The following COL4A4 variants were observed in gnomAD, a reference collection of about 807,000 sequenced individuals.
COL4A4 encodes the protein collagen type IV alpha 4 chain.
A neutral mutation model predicts 192.9 loss-of-function variants in COL4A4; 105 were observed. The observed-to-expected ratio is 0.54, with a 90% CI of 0.46 to 0.64. COL4A4 has a LOEUF of 0.64. COL4A4 is among the 30% of genes least tolerant of loss of function. The probability of loss-of-function intolerance (pLI) is 0.00; values close to 1 mark genes in which losing one functional copy is unlikely to be tolerated. For synonymous variants in COL4A4, 762 were observed against 769.9 expected, an observed-to-expected ratio of 0.99 and a Z score of 0.17; for missense variants, 1,967 against 2,169.3, an observed-to-expected ratio of 0.91 and a Z score of 1.85.
chr2:227,025,771 G>A, intron 43 of COL4A4, 31 bp downstream of exon 43: 1 of 1,603,766 alleles, frequency 6.2e-7, no homozygotes, highest in East Asian at 2.2e-5. Flanking sequence ...CCAGAGTGAG[G>A]GGAAATTACC....
At chr2:227,101,972 GC>G in intron 15 of COL4A4, 63 bp from the exon 16 acceptor site, 4 of 1,227,372 alleles carry the variant, frequency 3.3e-6, no homozygotes, top group Non-Finnish European at 4.7e-6. Flanking sequence ...CCAGCTCAGT[GC>G]ATCATTTTTC....
intron 35 of COL4A4, among the ~76,000 whole-genome samples, chr2:227,046,077 A>ACTATCTAAACATATATACATATG (rs1559490531): frequency 7.2e-6 from 1 of 139,564 alleles, no homozygotes; most frequent in East Asian, 2.0e-4. Flanking sequence ...ACATATATAT[A>ACTATCTAAACATATATACATATG]TTTAGATATA....
In COL4A4 at chr2:227,139,639, C is replaced by T. The variant is rs143042619; in HGVS notation, c.192+522G>A. 5.3e-5 allele frequency among the ~76,000 whole-genome samples: 8 copies of T among 152,266 alleles called. No homozygotes were observed. The South Asian group carries it at 6.2e-4, about 12-fold the overall frequency. ...ACATGGTATCCTAAGAAGGTTCTTA[C>T]GAGAAGTCAATGAGCAGAAGCATTT... On this transcript the variant is annotated intron_variant, in intron 4 of 47. Transcript: ENST00000396625.
At chr2:227,042,307 T>C (rs1971630460) in intron 36 of COL4A4, 52 bp from the exon 37 acceptor site, 2 of 1,031,514 alleles carry the variant, frequency 1.9e-6, no homozygotes, top group Non-Finnish European at 3.1e-6. Context: ...ATGAATTACA[T>C]TCACTGCAAA....
intron 20 of COL4A4, among the ~76,000 whole-genome samples, chr2:227,093,109 A>G (rs1341342859): frequency 6.6e-6 from 1 of 152,162 alleles, no homozygotes; most frequent in African/African-American, 2.4e-5. Context: ...CAGTGAAAAA[A>G]TTGTGACAGT....
chr2:227,161,292 G>T (rs2125565933), intron 1 of COL4A4, among the ~76,000 whole-genome samples: 1 of 152,340 alleles, frequency 6.6e-6, no homozygotes, highest in East Asian at 1.9e-4. Context: ...ACAGTGTGTA[G>T]AAAACGGACA....
rs1030862741 is a variant in COL4A4 at position 227,121,059 on chromosome 2, T to C, written c.282A>G (p.Arg94=). The part of the protein sequence containing the change: ...PIGLSGEKGM[R]GDRGPPGAAG... ...CTGCTCCAGGAGGGCCGCGGTCCCC[T>C]CTCATTCCTTTCTCTCCTGAAAGCC... Residue 94 remains arginine (R), a synonymous_variant, in exon 5 of 48, where the codon AGA becomes AGG. Coordinates refer to ENST00000396625, the MANE Select transcript of COL4A4 (RefSeq NM_000092.5). 3 of 1,614,054 alleles carry C rather than the reference T, an allele frequency of 1.9e-6. No individual in the cohort carries two copies. The highest frequency in any genetic ancestry group is 2.5e-6 in the Non-Finnish European group (3 of 1,180,022).
At chr2:227,030,837 C>T (rs1968133043) in intron 40 of COL4A4, among the ~76,000 whole-genome samples, 1 of 152,118 alleles carries the variant, frequency 6.6e-6, no homozygotes, top group South Asian at 2.1e-4. Flanking sequence ...CAAGCAAAAC[C>T]TTCCTTCCCT....
chr2:226,979,976 G>T, the COL4A4 span, among the ~76,000 whole-genome samples: 4 of 152,180 alleles, frequency 2.6e-5, no homozygotes, highest in Non-Finnish European at 5.9e-5. Flanking sequence ...TGAATTTGGG[G>T]ACAGGACGAG....
the COL4A4 span, among the ~76,000 whole-genome samples, chr2:226,987,330 C>T: frequency 6.6e-6 from 1 of 151,730 alleles, no homozygotes; most frequent in Non-Finnish European, 1.5e-5. Context: ...TATCCCAGAA[C>T]TTAAAGTATA....
chr2:227,061,541 TA>T (rs1263642602), intron 26 of COL4A4, among the ~76,000 whole-genome samples: 2 of 152,246 alleles, frequency 1.3e-5, no homozygotes, highest in African/African-American at 4.8e-5. Flanking sequence ...TTAGATCAGC[TA>T]AACCCAACCA....
chr2:227,045,060 G>A (rs1972158048), intron 35 of COL4A4, among the ~76,000 whole-genome samples: 1 of 152,060 alleles, frequency 6.6e-6, no homozygotes, highest in Non-Finnish European at 1.5e-5. Context: ...CCCCATTTTG[G>A]ACTACCCTGA....
chr2:227,058,284 GTGTC>G (rs1976013224), intron 28 of COL4A4, among the ~76,000 whole-genome samples: 1 of 152,146 alleles, frequency 6.6e-6, no homozygotes, highest in Non-Finnish European at 1.5e-5. Flanking sequence ...GTGTGTGTGT[GTGTC>G]TGTCTTTGTT....
intron 37 of COL4A4, among the ~76,000 whole-genome samples, chr2:227,040,042 C>T (rs768533566): frequency 6.6e-6 from 1 of 152,224 alleles, no homozygotes; most frequent in South Asian, 2.1e-4. Context: ...ATACCTACCA[C>T]ACTACCACTT....
intron 25 of COL4A4, among the ~76,000 whole-genome samples, chr2:227,070,724 TGGGGGGA>T (rs1246128177): frequency 8.7e-4 from 20 of 22,886 alleles, no homozygotes; most frequent in African/African-American, 1.0e-3. Context: ...TGTTGTGGGG[TGGGGGGA>T]GGGGGGAGGG....
chr2:227,068,160 T>G (rs1312702356), intron 25 of COL4A4, among the ~76,000 whole-genome samples: 1 of 149,454 alleles, frequency 6.7e-6, no homozygotes, highest in Non-Finnish European at 1.5e-5. Context: ...CTCCCAAGAC[T>G]AAACCAGGAA....
intron 26 of COL4A4, among the ~76,000 whole-genome samples, chr2:227,061,155 G>A (rs1976913521): frequency 6.6e-6 from 1 of 152,218 alleles, no homozygotes; most frequent in Admixed American, 6.5e-5. Flanking sequence ...TTCTCTCGAA[G>A]TTACAGCTGC....
the COL4A4 span, among the ~76,000 whole-genome samples, chr2:226,982,475 T>C: frequency 2.6e-5 from 4 of 152,240 alleles, no homozygotes; most frequent in Non-Finnish European, 5.9e-5. Context: ...AGTTGAACTT[T>C]TAAAACATTT....
Position 227,007,278 on chromosome 2 carries a change from C to G in COL4A4, c.*47G>C, listed in dbSNP as rs756361952. On this transcript the variant is annotated 3_prime_UTR_variant, in exon 48 of 48. Transcript: ENST00000396625. ...TTAGCACAGTCTAGGAAGTCTTAGC[C>G]CCCTAGGAAGTTTCTCTTGGCCACG... The G allele has an allele frequency of 3.1e-6, 5 of 1,611,918 alleles. No homozygotes were observed. The South Asian group carries it at 3.3e-5, about 11-fold the overall frequency.
Sources: allele counts gnomAD v4.1 joint callset (sites outside exome capture counted in the v4.1 genomes callset), GRCh38; gene constraint gnomAD v4.1.1; transcripts MANE v1.5; gene names NCBI Gene and HGNC (gene_info 2026-07-23, HGNC 2026-07-21).